Variants in LRRK1 observed in about 807,000 individuals in gnomAD.
The protein encoded by LRRK1 is leucine rich repeat kinase 1.
In LRRK1, 113 loss-of-function variants were observed where a neutral mutation model predicts 209.1. The observed-to-expected ratio is 0.54, with a 90% CI of 0.46 to 0.63. The LOEUF (loss-of-function observed/expected upper bound fraction) is 0.63. Ranked by LOEUF, LRRK1 falls within the 30% of genes least tolerant of loss-of-function variation. The pLI, the probability that LRRK1 is intolerant of heterozygous loss-of-function variation, is 0.00. For synonymous variants in LRRK1, 1,144 were observed against 1,099.7 expected (o/e 1.04, Z -0.80); for missense variants, 2,284 against 2,632.2 (o/e 0.87, Z 2.89).
intron 2 of LRRK1, among the ~76,000 whole-genome samples, chr15:100,938,354 AC>A (rs2042340872): frequency 6.6e-6 from 1 of 152,192 alleles, no homozygotes. Context: ...ATACTTGGAT[AC>A]ATGTATACAA....
intron 2 of LRRK1, among the ~76,000 whole-genome samples, chr15:100,926,096 C>T: frequency 6.6e-6 from 1 of 152,348 alleles, no homozygotes; most frequent in East Asian, 1.9e-4. Context: ...CGTTTCACAT[C>T]CATCACATTA....
chr15:101,046,379 C>T (rs1228478605), intron 21 of LRRK1, among the ~76,000 whole-genome samples: 1 of 152,240 alleles, frequency 6.6e-6, no homozygotes, highest in East Asian at 1.9e-4. Context: ...CAGAACACGC[C>T]CTTTATAAAC....
chr15:100,924,802 T>C (rs2042081021), intron 2 of LRRK1, 73 bp downstream of exon 2: 5 of 1,131,824 alleles, frequency 4.4e-6, no homozygotes, highest in Admixed American at 3.5e-5. Context: ...GTCTAGGCTA[T>C]GTAAGAACAA....
Position 101,021,158 on chromosome 15 carries a change from G to A in LRRK1, c.1715G>A (p.Ser572Asn), listed in dbSNP as rs758773787. 6.2e-7 allele frequency: 1 copy of A among 1,614,082 alleles called. No homozygotes were observed. Among genetic ancestry groups the A allele is most frequent in the Admixed American group, 1.7e-5 (1 of 60,016 alleles). ...TVPPSVCLLK[S>N]LSELYLGNNP... is the part of the protein sequence containing the mutation. ...CCTCCCTCGGTTTGCCTACTGAAGA[G>A]CTTATCAGAGCTCTACTTGGGAAAG... Residue 572 changes from serine (S) to asparagine (N), a missense_variant, in exon 13 of 34, where the codon AGC becomes AAC. By Grantham distance (46) the Ser-to-Asn change is conservative. This residue lies in a region of LRRK1 where 494 missense variants were observed against 522.1 expected (regional missense o/e 0.95). Transcript: ENST00000388948.
chr15:101,019,020 G>A lies in LRRK1; in HGVS notation c.1610-2033G>A, dbSNP rs561787525. ...TCATCCAAAAATAATTTGGATGGCCGTTTTTACGGTAAAAATCAGACCAGC... is the reference window on the plus strand; with the variant it reads ...TCATCCAAAAATAATTTGGATGGCCATTTTTACGGTAAAAATCAGACCAGC... On this transcript the variant is annotated intron_variant, in intron 12 of 33. Coordinates refer to ENST00000388948, the MANE Select transcript of LRRK1 (RefSeq NM_024652.6). 3.9e-5 allele frequency among the ~76,000 whole-genome samples: 6 copies of A among 152,302 alleles called. No homozygotes were observed. The East Asian group carries it at 9.6e-4, about 24-fold the overall frequency.
At chr15:100,953,768 C>G (rs1028074983) in intron 2 of LRRK1, among the ~76,000 whole-genome samples, 1 of 152,074 alleles carries the variant, frequency 6.6e-6, no homozygotes, top group Admixed American at 6.6e-5. Context: ...TACTTTTTCC[C>G]ATAATGGCTG....
intron 2 of LRRK1, among the ~76,000 whole-genome samples, chr15:100,960,606 G>A (rs1249270946): frequency 6.6e-6 from 1 of 152,080 alleles, no homozygotes; most frequent in Non-Finnish European, 1.5e-5. Context: ...ATCCCCTTTT[G>A]GGTAAAGGGC....
chr15:101,015,422 C>G lies in LRRK1; in HGVS notation c.1609+20C>G, dbSNP rs1215148057. 4 of 1,596,526 alleles carry G rather than the reference C, an allele frequency of 2.5e-6. No individual in the cohort carries two copies. Among genetic ancestry groups the G allele is most frequent in the South Asian group, 1.1e-5 (1 of 89,706 alleles). ...AGGCAGGTGTGTGTGGGTTGGGAGA[C>G]GGTGTTCCCAGATGAGACAGCCGGG... On this transcript the variant is annotated intron_variant, in intron 12 of 33. Transcript: ENST00000388948.
chr15:101,014,243 G>T, intron 10 of LRRK1, 73 bp from the exon 11 acceptor site: 1 of 1,077,878 alleles, frequency 9.3e-7, no homozygotes. Flanking sequence ...GGAACTGACT[G>T]GCTCTTCAGT....
intron 31 of LRRK1, chr15:101,064,648 G>A (rs1481454445): frequency 2.6e-5 from 4 of 153,016 alleles, no homozygotes; most frequent in Non-Finnish European, 5.8e-5. Context: ...ATAGATGTAA[G>A]CTGGGATGAG....
intron 6 of LRRK1, among the ~76,000 whole-genome samples, chr15:101,002,132 A>G (rs2032724053): frequency 6.6e-6 from 1 of 152,208 alleles, no homozygotes; most frequent in South Asian, 2.1e-4. Context: ...ATAGGTTTGC[A>G]CTGATATAAA....
At chr15:100,950,602 C>T (rs1032944965) in intron 2 of LRRK1, among the ~76,000 whole-genome samples, 48 of 152,168 alleles carry the variant, frequency 3.2e-4, no homozygotes, top group African/African-American at 9.7e-4. Flanking sequence ...TCAGATACTA[C>T]ACCAAAAACA....
intron 6 of LRRK1, among the ~76,000 whole-genome samples, chr15:100,990,444 C>T (rs570875322): frequency 6.6e-6 from 1 of 152,130 alleles, no homozygotes; most frequent in Admixed American, 6.6e-5. Context: ...CCCCCCAACA[C>T]TCTGGTGATT....
chr15:100,974,102 G>T (rs1283947202), intron 3 of LRRK1, 135 bp downstream of exon 3: 1 of 712,144 alleles, frequency 1.4e-6, no homozygotes. Flanking sequence ...CTCGCTTTGC[G>T]TATAAACTTG....
intron 6 of LRRK1, among the ~76,000 whole-genome samples, chr15:101,001,006 C>T (rs952904752): frequency 3.3e-5 from 5 of 152,172 alleles, no homozygotes; most frequent in African/African-American, 1.2e-4. Flanking sequence ...GTTTTCAATG[C>T]CTCCTTTCTC....
intron 2 of LRRK1, among the ~76,000 whole-genome samples, chr15:100,966,930 A>C (rs1341898346): frequency 6.6e-6 from 1 of 152,184 alleles, no homozygotes; most frequent in Non-Finnish European, 1.5e-5. Flanking sequence ...ATGTCCCTTA[A>C]CTTGGGCTTA....
At position 100,977,323 on chromosome 15, in the gene LRRK1, C is replaced by T. The variant is rs116150916; in HGVS notation, c.261+3356C>T. On this transcript the variant is annotated intron_variant, in intron 3 of 33. Transcript: ENST00000388948. ...AAACACTGAAGAAATATACTTGCAG[C>T]CCAGCCCCACCCCTCACCAGCAAGG... 7.8e-3 allele frequency among the ~76,000 whole-genome samples: 1,191 copies of T among 152,282 alleles called. 17 individuals carry two copies. Among genetic ancestry groups the T allele is most frequent in the African/African-American group, 0.028 (1,144 of 41,554 alleles).
At chr15:100,933,477 G>A (rs1370877795) in intron 2 of LRRK1, among the ~76,000 whole-genome samples, 1 of 151,984 alleles carries the variant, frequency 6.6e-6, no homozygotes, top group Non-Finnish European at 1.5e-5. Flanking sequence ...TTAAGATACA[G>A]GTTGCTTATC....
rs948650509 is a variant in LRRK1, at chr15:100,974,055, A to G, written c.261+88A>G. ...CAGATGATTTTCTCGTTATTGTCATAACGGTAATGGGCGTTTTTACTGTGT... is the reference window on the plus strand; with the variant it reads ...CAGATGATTTTCTCGTTATTGTCATGACGGTAATGGGCGTTTTTACTGTGT... On this transcript the variant is annotated intron_variant, in intron 3 of 33. Coordinates refer to ENST00000388948, the MANE Select transcript of LRRK1 (RefSeq NM_024652.6). The G allele has an allele frequency of 2.7e-6, 3 of 1,110,768 alleles. No individual in the cohort carries two copies. In the Admixed American group the frequency reaches 1.3e-4, roughly 47 times the overall value. The allele number at this position is 1,110,768 out of a possible 1,614,324, so 68.8% of individuals were successfully genotyped here. A position where few individuals can be genotyped will look rare whatever the true frequency, so the allele number is the denominator to read the frequency against.
Sources: allele counts gnomAD v4.1 joint callset (sites outside exome capture counted in the v4.1 genomes callset), GRCh38; gene constraint gnomAD v4.1.1; regional missense constraint gnomAD v4.1.1; transcripts MANE v1.5; gene names NCBI Gene and HGNC (gene_info 2026-07-23, HGNC 2026-07-21).